RREB1: variants seen among roughly 807,000 people sequenced by gnomAD.
RREB1 encodes ras responsive element binding protein 1.
In RREB1, 27 loss-of-function variants were observed where a neutral mutation model predicts 117.8. The ratio of observed to expected loss-of-function variants is 0.23; its 90% CI spans 0.17 to 0.32. The LOEUF is 0.32. RREB1 is among the 10% of genes least tolerant of loss of function. The probability of loss-of-function intolerance (pLI) is 1.00; values close to 1 mark genes in which losing one functional copy is unlikely to be tolerated. For synonymous variants in RREB1, 1,298 were observed against 1,026.7 expected, an observed-to-expected ratio of 1.26 and a Z score of -5.05; for missense variants, 2,577 against 2,378.2, an observed-to-expected ratio of 1.08 and a Z score of -1.74.
intron 8 of RREB1, among the ~76,000 whole-genome samples, chr6:7,223,693 T>C (rs1188110228): frequency 6.6e-6 from 1 of 152,116 alleles, no homozygotes; most frequent in Non-Finnish European, 1.5e-5. Flanking sequence ...TGCAAATACA[T>C]ATGTACATAA....
chr6:7,108,238 C>G (rs1328107146), intron 1 of RREB1, among the ~76,000 whole-genome samples, 178 bp downstream of exon 1: 1 of 152,092 alleles, frequency 6.6e-6, no homozygotes, highest in Non-Finnish European at 1.5e-5. Context: ...CCCCACTCCG[C>G]GCAGCGTGCG....
In RREB1 at chr6:7,229,296, G is replaced by A. The variant is rs368120167; in HGVS notation, c.1197G>A (p.Gln399=). Residue 399 remains glutamine (Q), a synonymous_variant, in exon 10 of 13, where the codon CAG becomes CAA. Coordinates refer to ENST00000379938, the MANE Select transcript of RREB1 (RefSeq NM_001003699.4). The surrounding 1 kb of genome is among the most constrained non-coding windows in gnomAD (Gnocchi z 4.5). ...TTCAGCTCCAGACACTCAAGTGTCAGCTACCTCAGGACCCCGGCTGCACCA... is the reference window on the plus strand; with the variant it reads ...TTCAGCTCCAGACACTCAAGTGTCAACTACCTCAGGACCCCGGCTGCACCA... ...QAIQLQTLKC[Q]LPQDPGCTNL... 6.2e-7 allele frequency: 1 copy of A among 1,614,052 alleles called. No homozygotes were observed. The highest frequency in any genetic ancestry group is 8.5e-7 in the Non-Finnish European group (1 of 1,180,042).
At chr6:7,244,977 A>C (rs922147027) in intron 11 of RREB1, among the ~76,000 whole-genome samples, 1 of 152,232 alleles carries the variant, frequency 6.6e-6, no homozygotes, top group Admixed American at 6.5e-5. Flanking sequence ...TAGGTGCGTG[A>C]ATCTGCTGGC....
At chr6:7,184,424 AT>A (rs1357388249) in intron 4 of RREB1, 1 of 143,394 alleles carries the variant, frequency 7.0e-6, no homozygotes, top group African/African-American at 2.6e-5. Context: ...TTTTTTAATT[AT>A]AAAAAAAACT....
chr6:7,234,452 G>T (rs1175120870), intron 10 of RREB1, among the ~76,000 whole-genome samples: 1 of 152,080 alleles, frequency 6.6e-6, no homozygotes, highest in Admixed American at 6.6e-5. Flanking sequence ...GTCTTTGCAG[G>T]TGCCTGATAT....
At chr6:7,161,406 G>A (rs1763654354) in intron 1 of RREB1, among the ~76,000 whole-genome samples, 1 of 152,138 alleles carries the variant, frequency 6.6e-6, no homozygotes, top group Non-Finnish European at 1.5e-5. Flanking sequence ...ACCCCAGGAG[G>A]CAAACAAATT....
intron 2 of RREB1, among the ~76,000 whole-genome samples, chr6:7,178,114 G>A (rs1191896874): frequency 6.6e-6 from 1 of 151,828 alleles, no homozygotes; most frequent in Non-Finnish European, 1.5e-5. Context: ...CCCACCTCAG[G>A]CTTCCAAAGT....
chr6:7,198,112 A>T (rs531743769), intron 6 of RREB1, among the ~76,000 whole-genome samples: 1 of 152,240 alleles, frequency 6.6e-6, no homozygotes, highest in East Asian at 1.9e-4. Context: ...AACTTCCATC[A>T]TGGTCGTATC....
At chr6:7,132,511 C>T (rs1250466088) in intron 1 of RREB1, among the ~76,000 whole-genome samples, 2 of 152,210 alleles carry the variant, frequency 1.3e-5, no homozygotes, top group African/African-American at 2.4e-5. Context: ...GCCTCCCAAG[C>T]GCTTGCCATA....
At chr6:7,139,435 A>G (rs989262565) in intron 1 of RREB1, 11 of 152,354 alleles carry the variant, frequency 7.2e-5, no homozygotes, top group African/African-American at 2.6e-4. Context: ...GAGTGAATGT[A>G]ATGGTAAATG....
At chr6:7,134,453 A>G (rs1265929634) in intron 1 of RREB1, among the ~76,000 whole-genome samples, 2 of 152,192 alleles carry the variant, frequency 1.3e-5, no homozygotes, top group Admixed American at 6.5e-5. Flanking sequence ...TCTTTAATCA[A>G]TGTCATGTTA....
chr6:7,148,222 A>G (rs1189875507), intron 1 of RREB1, among the ~76,000 whole-genome samples: 2 of 152,038 alleles, frequency 1.3e-5, no homozygotes, highest in African/African-American at 2.4e-5. Flanking sequence ...CTTCAGCACT[A>G]TTTATTCTTA....
intron 1 of RREB1, among the ~76,000 whole-genome samples, chr6:7,115,479 A>G (rs1159424427): frequency 1.3e-5 from 2 of 151,566 alleles, no homozygotes; most frequent in Non-Finnish European, 2.9e-5. Context: ...AGTCACCCCT[A>G]GAGTGGCCTG....
intron 6 of RREB1, among the ~76,000 whole-genome samples, chr6:7,202,747 G>T (rs1321272686): frequency 2.6e-5 from 4 of 152,178 alleles, no homozygotes; most frequent in Admixed American, 6.5e-5. Context: ...CACAGCAGCT[G>T]CCCTGAGGTA....
At chr6:7,109,464 A>T (rs1159240782) in intron 1 of RREB1, among the ~76,000 whole-genome samples, 1 of 143,012 alleles carries the variant, frequency 7.0e-6, no homozygotes. Context: ...GCCGCGCGTG[A>T]GTGCGGGGCG....
chr6:7,242,704 G>C (rs889128462), intron 11 of RREB1, among the ~76,000 whole-genome samples: 2 of 151,106 alleles, frequency 1.3e-5, no homozygotes, highest in Non-Finnish European at 3.0e-5. Context: ...AAAAAAAGGG[G>C]GGGGGGGAAG....
chr6:7,227,990 C>A (rs1005726941), intron 9 of RREB1, among the ~76,000 whole-genome samples: 13 of 152,194 alleles, frequency 8.5e-5, no homozygotes, highest in Non-Finnish European at 1.3e-4. Flanking sequence ...TCTCTTGAAC[C>A]CGGGAGGTGG....
At chr6:7,155,955 TTAACTC>T (rs1213408919) in intron 1 of RREB1, among the ~76,000 whole-genome samples, 1 of 152,218 alleles carries the variant, frequency 6.6e-6, no homozygotes, top group Non-Finnish European at 1.5e-5. Context: ...AGTACCGGCT[TTAACTC>T]TAGGTAGAAG....
At chr6:7,133,460 C>A (rs1762234811) in intron 1 of RREB1, among the ~76,000 whole-genome samples, 1 of 151,900 alleles carries the variant, frequency 6.6e-6, no homozygotes, top group Non-Finnish European at 1.5e-5. Flanking sequence ...CATGGCACAC[C>A]CGGGAAGTCC....
Sources: gnomAD v4.1 joint callset for allele counts (sites outside exome capture counted in the v4.1 genomes callset) on GRCh38, gnomAD v4.1.1 for gene constraint, Gnocchi (gnomAD v3.1) non-coding constraint, MANE v1.5 for transcripts, NCBI Gene and HGNC (gene_info 2026-07-23, HGNC 2026-07-21) for gene names.